The following PRKAR1B variants were observed in gnomAD, a reference collection of about 807,000 sequenced individuals.
PRKAR1B encodes the protein cAMP-dependent protein kinase type I-beta regulatory subunit.
PRKAR1B carries 22 observed loss-of-function variants against 46.5 expected under a neutral mutation model. The ratio of observed to expected loss-of-function variants is 0.47; its 90% CI spans 0.34 to 0.68. The LOEUF (loss-of-function observed/expected upper bound fraction) is 0.68, where lower values mean the gene tolerates loss of function less well. Ranked by LOEUF, PRKAR1B falls within the 30% of genes least tolerant of loss-of-function variation. The probability of loss-of-function intolerance (pLI) is 0.01; values close to 1 mark genes in which losing one functional copy is unlikely to be tolerated. For synonymous variants in PRKAR1B, 259 were observed against 217.7 expected (o/e 1.19, Z -1.67); for missense variants, 445 against 535.6 (o/e 0.83, Z 1.67).
At chr7:713,520 C>T (rs1299054758) in intron 1 of PRKAR1B, among the ~76,000 whole-genome samples, 1 of 152,032 alleles carries the variant, frequency 6.6e-6, no homozygotes, top group Non-Finnish European at 1.5e-5. Context: ...CACCTGTACA[C>T]AGACACCATC....
intron 4 of PRKAR1B, among the ~76,000 whole-genome samples, chr7:657,392 GATGGATGGATGGATGGATGGATGGATGA>G (rs1785269696): frequency 6.7e-6 from 1 of 148,578 alleles, no homozygotes; most frequent in Non-Finnish European, 1.5e-5. Flanking sequence ...TGTGTGCATG[GATGGATGGATGGATGGATGGATGGATGA>G]ATGAATGAAT....
At chr7:620,919 T>C (rs71536297) in intron 4 of PRKAR1B, among the ~76,000 whole-genome samples, 11,099 of 152,344 alleles carry the variant, frequency 0.073, 541 homozygotes, top group East Asian at 0.18. Context: ...GTGTTGGGTA[T>C]GTATGACCTT....
At chr7:596,370 C>T (rs990598225) in intron 6 of PRKAR1B, 66 bp from the exon 7 acceptor site, 1 of 1,543,244 alleles carries the variant, frequency 6.5e-7, no homozygotes, top group South Asian at 1.2e-5. Flanking sequence ...GCATCCCATA[C>T]AGAAAGTCCC....
chr7:615,688 C>CGTG (rs1351689482), intron 4 of PRKAR1B, among the ~76,000 whole-genome samples: 3 of 149,972 alleles, frequency 2.0e-5, no homozygotes, highest in Non-Finnish European at 4.4e-5. Flanking sequence ...ATTAGCCGGG[C>CGTG]GTGGTGGCAG....
At position 703,267 on chromosome 7, in the gene PRKAR1B, T is replaced by C. The variant is rs147957223; in HGVS notation, c.177+8062A>G. Among the ~76,000 whole-genome samples the C allele has an allele frequency of 6.5e-3, 988 of 152,200 alleles. 8 individuals are homozygous for C. Among genetic ancestry groups the C allele is most frequent in the Non-Finnish European group, 6.1e-3 (412 of 68,010 alleles). ...CCAAAACACATAAAGCAAAAACTGA[T>C]AGAATTAAAGGAGACACAGACAAAT... On this transcript the variant is annotated intron_variant, in intron 2 of 10. Transcript: ENST00000537384.
At chr7:566,334 TTCA>T (rs950522357) in intron 9 of PRKAR1B, among the ~76,000 whole-genome samples, 5 of 92,786 alleles carry the variant, frequency 5.4e-5, no homozygotes, top group African/African-American at 8.1e-5. Flanking sequence ...ACTCATCACC[TTCA>T]TCATCACCAT....
Position 709,365 on chromosome 7 carries a change from GTATT to G in PRKAR1B, c.177+1960_177+1963del, listed in dbSNP as rs764043122. ...TGTGTGTATGCATGTGTGTGTGTAT[GTATT>G]TCTTTTTTTTTTTTTTTTTTTGAGA... On this transcript the variant is annotated intron_variant, in intron 2 of 10. Coordinates refer to ENST00000537384, the MANE Select transcript of PRKAR1B (RefSeq NM_001164760.2). 5.4e-3 allele frequency among the ~76,000 whole-genome samples: 757 copies of G among 141,182 alleles called. 5 individuals are homozygous for G. The highest frequency in any genetic ancestry group is 0.015 in the Middle Eastern group (4 of 262). 92.6% of individuals were successfully genotyped at this position (141,182 alleles called of 152,430 possible).
intron 4 of PRKAR1B, among the ~76,000 whole-genome samples, chr7:656,413 A>G (rs1292179083): frequency 6.6e-6 from 1 of 152,206 alleles, no homozygotes; most frequent in African/African-American, 2.4e-5. Context: ...GAATGTATGA[A>G]TGGATAGATA....
intron 1 of PRKAR1B, among the ~76,000 whole-genome samples, chr7:723,007 C>T (rs969834918): frequency 6.6e-6 from 1 of 152,190 alleles, no homozygotes; most frequent in African/African-American, 2.4e-5. Flanking sequence ...GACTGCTGCT[C>T]ATTTCCCATG....
At chr7:668,241 TG>T (rs1314238789) in intron 4 of PRKAR1B, among the ~76,000 whole-genome samples, 1 of 152,170 alleles carries the variant, frequency 6.6e-6, no homozygotes, top group Non-Finnish European at 1.5e-5. Context: ...CCTGTAAACT[TG>T]GAAGGAATTT....
intron 9 of PRKAR1B, among the ~76,000 whole-genome samples, chr7:577,878 C>T (rs191630389): frequency 1.3e-5 from 2 of 152,332 alleles, no homozygotes; most frequent in South Asian, 2.1e-4. Context: ...GAGCCGCTCC[C>T]GCTAGGCAGT....
At chr7:611,022 G>A (rs893737211) in intron 4 of PRKAR1B, among the ~76,000 whole-genome samples, 2 of 152,204 alleles carry the variant, frequency 1.3e-5, no homozygotes, top group Non-Finnish European at 2.9e-5. Context: ...GGGGCCGAGG[G>A]CAGAGCCCCT....
chr7:710,191 C>T (rs1322513478), intron 2 of PRKAR1B, among the ~76,000 whole-genome samples: 1 of 152,170 alleles, frequency 6.6e-6, no homozygotes, highest in Non-Finnish European at 1.5e-5. Flanking sequence ...CCTGGTGGCT[C>T]ACAGGCACTC....
At chr7:637,027 C>T (rs962497021) in intron 4 of PRKAR1B, among the ~76,000 whole-genome samples, 3 of 152,156 alleles carry the variant, frequency 2.0e-5, no homozygotes, top group African/African-American at 7.2e-5. Context: ...GTGGTTCACA[C>T]CTAATCCCAG....
intron 4 of PRKAR1B, among the ~76,000 whole-genome samples, chr7:631,800 AT>A (rs1322731724): frequency 6.6e-6 from 1 of 150,386 alleles, no homozygotes; most frequent in Non-Finnish European, 1.5e-5. Flanking sequence ...AAAAAAAAAA[AT>A]TGGAAATTAG....
chr7:660,816 C>A lies in PRKAR1B; in HGVS notation c.440+16413G>T, dbSNP rs185072509. Among the ~76,000 whole-genome samples the A allele has an allele frequency of 5.0e-5, 5 of 100,180 alleles. 1 individual carries two copies. The East Asian group carries it at 1.5e-3, about 29-fold the overall frequency. 65.7% of individuals were successfully genotyped at this position (100,180 alleles called of 152,430 possible). A position where few individuals can be genotyped will look rare whatever the true frequency, so the allele number is the denominator to read the frequency against. ...ACAGATGCAAATACCTACTCTCCCC[C>A]CCATGGCACAGGTCCCCAACCCAAC... On this transcript the variant is annotated intron_variant, in intron 4 of 10. Transcript: ENST00000537384.
At chr7:650,457 C>G (rs1174956585) in intron 4 of PRKAR1B, among the ~76,000 whole-genome samples, 1 of 152,100 alleles carries the variant, frequency 6.6e-6, no homozygotes, top group East Asian at 1.9e-4. Flanking sequence ...ACACCGGCTG[C>G]ACCTCCGAAC....
chr7:720,461 C>T (rs1199676954), intron 1 of PRKAR1B, among the ~76,000 whole-genome samples: 4 of 152,172 alleles, frequency 2.6e-5, no homozygotes, highest in South Asian at 2.1e-4. Flanking sequence ...GTGAATTCTG[C>T]GATTGTTGAG....
intron 1 of PRKAR1B, among the ~76,000 whole-genome samples, chr7:725,711 G>A (rs1055893846): frequency 6.6e-6 from 1 of 152,202 alleles, no homozygotes; most frequent in African/African-American, 2.4e-5. Flanking sequence ...AGAAATTGTG[G>A]TTTGAGTCAT....
Sources: gnomAD v4.1 joint callset for allele counts (sites outside exome capture counted in the v4.1 genomes callset) on GRCh38, gnomAD v4.1.1 for gene constraint, MANE v1.5 for transcripts, NCBI Gene and HGNC (gene_info 2026-07-23, HGNC 2026-07-21) for gene names.